Variants in RIMS1 observed in about 807,000 individuals in gnomAD.
The protein encoded by RIMS1 is regulating synaptic membrane exocytosis 1.
A neutral mutation model predicts 214.1 loss-of-function variants in RIMS1; 83 were observed. That is an observed-to-expected ratio of 0.39 (90% CI 0.32 to 0.47). RIMS1 has a LOEUF of 0.47. Ranked by LOEUF, RIMS1 falls within the 20% of genes least tolerant of loss-of-function variation. The pLI is 0.99. For missense variants in RIMS1, 2,050 were observed against 2,161.8 expected, an observed-to-expected ratio of 0.95 and a Z score of 1.03; for synonymous variants, 793 against 786.8, an observed-to-expected ratio of 1.01 and a Z score of -0.13.
intron 1 of RIMS1, among the ~76,000 whole-genome samples, chr6:71,947,811 G>T (rs1788338754): frequency 6.6e-6 from 1 of 151,810 alleles, no homozygotes; most frequent in Non-Finnish European, 1.5e-5. Context: ...ATTTATACTT[G>T]TCAATTAAAA....
intron 2 of RIMS1, among the ~76,000 whole-genome samples, chr6:72,037,848 A>G (rs149275098): frequency 1.1e-3 from 167 of 151,790 alleles, no homozygotes; most frequent in African/African-American, 4.0e-3. Context: ...CCTCAAATGA[A>G]ATGAAGCTGT....
intron 28 of RIMS1, chr6:72,316,856 G>A: frequency 9.9e-7 from 1 of 1,011,928 alleles, no homozygotes; most frequent in Non-Finnish European, 1.5e-6. Context: ...TAGGCAAGTA[G>A]GAGGTGGGCA....
chr6:72,074,358 T>A (rs1008241516), intron 2 of RIMS1, among the ~76,000 whole-genome samples: 1 of 152,228 alleles, frequency 6.6e-6, no homozygotes, highest in Non-Finnish European at 1.5e-5. Context: ...AATGTAGGTC[T>A]GACTTATTGA....
chr6:72,117,601 TG>T (rs1200763490), intron 4 of RIMS1, among the ~76,000 whole-genome samples: 1 of 151,852 alleles, frequency 6.6e-6, no homozygotes, highest in Non-Finnish European at 1.5e-5. Context: ...GGAATAAAAC[TG>T]GAAAGCAACT....
chr6:71,998,799 C>G (rs1472624771), intron 2 of RIMS1, among the ~76,000 whole-genome samples: 1 of 152,082 alleles, frequency 6.6e-6, no homozygotes, highest in Non-Finnish European at 1.5e-5. Context: ...CTTGCCACTT[C>G]AAATACATTC....
chr6:72,386,059 A>G (rs1005867368), intron 29 of RIMS1, among the ~76,000 whole-genome samples: 1 of 152,210 alleles, frequency 6.6e-6, no homozygotes, highest in Non-Finnish European at 1.5e-5. Flanking sequence ...AGAAAATTCA[A>G]TAACTAGCCC....
chr6:72,322,369 A>G (rs1300475593), intron 28 of RIMS1, among the ~76,000 whole-genome samples: 1 of 152,130 alleles, frequency 6.6e-6, no homozygotes, highest in Admixed American at 6.5e-5. Flanking sequence ...ATTCAGTATA[A>G]TTTACAAATA....
At chr6:72,016,089 A>C (rs116074233) in intron 2 of RIMS1, among the ~76,000 whole-genome samples, 1,975 of 152,250 alleles carry the variant, frequency 0.013, 37 homozygotes, top group African/African-American at 0.045. Context: ...CTTTTATTCT[A>C]TGAATGTGAT....
At chr6:72,203,333 T>C (rs1212328308) in intron 6 of RIMS1, among the ~76,000 whole-genome samples, 1 of 152,118 alleles carries the variant, frequency 6.6e-6, no homozygotes, top group Non-Finnish European at 1.5e-5. Flanking sequence ...ATAGATAATA[T>C]ATTTTACAGT....
intron 2 of RIMS1, among the ~76,000 whole-genome samples, 165 bp downstream of exon 2, chr6:71,969,228 A>C (rs1321242462): frequency 6.6e-6 from 1 of 152,240 alleles, no homozygotes; most frequent in East Asian, 1.9e-4. Flanking sequence ...CTCTGGATTT[A>C]ATATTTTTGT....
chr6:72,045,410 C>T (rs1822708985), intron 2 of RIMS1, among the ~76,000 whole-genome samples: 1 of 151,610 alleles, frequency 6.6e-6, no homozygotes, highest in South Asian at 2.1e-4. Context: ...AACTCTAAGA[C>T]CTGAAGAAAA....
intron 29 of RIMS1, among the ~76,000 whole-genome samples, chr6:72,344,718 A>G (rs2097202264): frequency 1.3e-5 from 2 of 151,790 alleles, no homozygotes; most frequent in Admixed American, 1.3e-4. Context: ...TTAGGAATTC[A>G]CTACTGTTAA....
chr6:72,344,234 A>T (rs191613791), intron 29 of RIMS1, among the ~76,000 whole-genome samples: 20 of 151,816 alleles, frequency 1.3e-4, no homozygotes, highest in African/African-American at 4.6e-4. Context: ...CCTAGGACTT[A>T]TTTTTCTCCT....
At position 72,375,784 on chromosome 6, in the gene RIMS1, G is replaced by GTTTTTGCAGGCTTGCTCCTT. The variant is rs375282654; in HGVS notation, c.4367-14814_4367-14813insTTTTTGCAGGCTTGCTCCTT. ...CTTTGTAACTAAGATATGGCCTGTA[G>GTTTTTGCAGGCTTGCTCCTT]GGGATCTCTGCAGTTTTTGCTGGCT... On this transcript the variant is annotated intron_variant, in intron 29 of 33. Transcript: ENST00000521978. Among the ~76,000 whole-genome samples, 934 of 152,272 alleles carry GTTTTTGCAGGCTTGCTCCTT rather than the reference G, an allele frequency of 6.1e-3. 7 individuals are homozygous for GTTTTTGCAGGCTTGCTCCTT. The highest frequency in any genetic ancestry group is 0.022 in the African/African-American group (906 of 41,544).
At chr6:71,935,022 T>G (rs2150948707) in intron 1 of RIMS1, among the ~76,000 whole-genome samples, 1 of 152,244 alleles carries the variant, frequency 6.6e-6, no homozygotes, top group Admixed American at 6.5e-5. Context: ...GTAAGCAAGT[T>G]GAATAAAAAG....
intron 4 of RIMS1, among the ~76,000 whole-genome samples, chr6:72,120,932 T>C (rs549782878): frequency 6.6e-6 from 1 of 152,094 alleles, no homozygotes; most frequent in Non-Finnish European, 1.5e-5. Flanking sequence ...TTTCTTGTTT[T>C]TGTTAAGTTT....
At chr6:72,196,015 A>G (rs926470013) in intron 6 of RIMS1, among the ~76,000 whole-genome samples, 2 of 152,044 alleles carry the variant, frequency 1.3e-5, no homozygotes, top group African/African-American at 4.8e-5. Context: ...CCCATGATCC[A>G]TCACCTCCCA....
chr6:72,091,968 A>G (rs1836349580), intron 2 of RIMS1, among the ~76,000 whole-genome samples: 2 of 152,226 alleles, frequency 1.3e-5, no homozygotes. Context: ...ATGTATTTCC[A>G]TTTATTATTC....
chr6:72,118,724 A>T (rs1293004014), intron 4 of RIMS1, among the ~76,000 whole-genome samples: 1 of 151,820 alleles, frequency 6.6e-6, no homozygotes, highest in East Asian at 1.9e-4. Context: ...AACAAAAATC[A>T]TATGATTATC....
Sources: allele counts gnomAD v4.1 joint callset (sites outside exome capture counted in the v4.1 genomes callset), GRCh38; gene constraint gnomAD v4.1.1; transcripts MANE v1.5; gene names NCBI Gene and HGNC (gene_info 2026-07-23, HGNC 2026-07-21).